Variants in DCDC1 observed in about 807,000 individuals in gnomAD.
DCDC1 encodes doublecortin domain containing 1.
Under a neutral mutation model 178.3 loss-of-function variants are expected in DCDC1, and 200 were observed. The ratio of observed to expected loss-of-function variants is 1.12; its 90% CI spans 1.00 to 1.26. DCDC1 has a LOEUF of 1.26. Ranked by LOEUF, DCDC1 falls within the 50% of genes most tolerant of loss-of-function variation. The pLI is 0.00. For missense variants in DCDC1, 1,983 were observed against 1,749.2 expected (o/e 1.13, Z -2.38); for synonymous variants, 690 against 604.8 (o/e 1.14, Z -2.07).
chr11:31,347,592 T>C (rs746253836), intron 1 of DCDC1, among the ~76,000 whole-genome samples: 2 of 152,146 alleles, frequency 1.3e-5, no homozygotes, highest in Admixed American at 6.5e-5. Context: ...TTGACACTCT[T>C]ATAATAGGAT....
chr11:30,944,191 C>T, intron 21 of DCDC1: 1 of 373,032 alleles, frequency 2.7e-6, no homozygotes, highest in Non-Finnish European at 5.3e-6. Context: ...TGAGTTTCTT[C>T]TCTCTCCCTT....
At position 30,920,837 on chromosome 11, in the gene DCDC1, G is replaced by A; in HGVS notation, c.3232C>T (p.Pro1078Ser). 1 of 1,613,622 alleles carries A rather than the reference G, an allele frequency of 6.2e-7. No individual in the cohort carries two copies. The highest frequency in any genetic ancestry group is 8.5e-7 in the Non-Finnish European group (1 of 1,179,750). Residue 1078 changes from proline (P) to serine (S), a missense_variant, in exon 25 of 39, where the codon CCG (proline) becomes TCG (serine). Coordinates refer to ENST00000684477, the MANE Select transcript of DCDC1 (RefSeq NM_001387274.1). Reference protein sequence around the residue: ...IFGEEKQVTEPEEKQMQEDPL... With the variant: ...IFGEEKQVTESEEKQMQEDPL... Reference sequence around the variant, plus strand: ...TCTTCTTGCATTTGCTTTTCTTCCGGTTCTGTAACTTGCTTCTCTTCTCCA... The same window carrying A: ...TCTTCTTGCATTTGCTTTTCTTCCGATTCTGTAACTTGCTTCTCTTCTCCA...
chr11:30,907,204 A>G (rs774343984), intron 29 of DCDC1, among the ~76,000 whole-genome samples: 2 of 152,234 alleles, frequency 1.3e-5, no homozygotes, highest in Non-Finnish European at 2.9e-5. Context: ...TGATGCTAAC[A>G]ATATAAATAA....
At chr11:31,355,714 C>T (rs1464358751) in intron 1 of DCDC1, among the ~76,000 whole-genome samples, 2 of 151,930 alleles carry the variant, frequency 1.3e-5, no homozygotes, top group Non-Finnish European at 2.9e-5. Context: ...ATTACAGGCA[C>T]CCACCACCAC....
At chr11:31,005,576 A>G (rs1951791540) in intron 20 of DCDC1, among the ~76,000 whole-genome samples, 1 of 152,182 alleles carries the variant, frequency 6.6e-6, no homozygotes, top group South Asian at 2.1e-4. Context: ...GCTATGAATT[A>G]AAGTATAAAA....
chr11:31,077,052 A>C (rs1590962564), intron 18 of DCDC1, among the ~76,000 whole-genome samples: 1 of 152,080 alleles, frequency 6.6e-6, no homozygotes, highest in East Asian at 1.9e-4. Flanking sequence ...ATCTCTACAC[A>C]CTGGTTTGCT....
intron 9 of DCDC1, among the ~76,000 whole-genome samples, chr11:31,207,518 C>T (rs1300390379): frequency 1.3e-5 from 2 of 152,282 alleles, no homozygotes; most frequent in East Asian, 3.9e-4. Flanking sequence ...TTTACCAGCA[C>T]ACCTGCATGT....
At chr11:31,190,324 C>T (rs1038070233) in intron 9 of DCDC1, among the ~76,000 whole-genome samples, 3 of 151,902 alleles carry the variant, frequency 2.0e-5, no homozygotes, top group African/African-American at 7.3e-5. Context: ...CAAGGTCACA[C>T]AATTATAAAT....
At chr11:31,154,846 C>T (rs959425493) in intron 9 of DCDC1, among the ~76,000 whole-genome samples, 1 of 152,164 alleles carries the variant, frequency 6.6e-6, no homozygotes, top group Non-Finnish European at 1.5e-5. Context: ...CTCTCTGGAG[C>T]GCGAGTGTCC....
At chr11:30,930,283 C>T (rs1946845787) in intron 22 of DCDC1, among the ~76,000 whole-genome samples, 1 of 152,086 alleles carries the variant, frequency 6.6e-6, no homozygotes, top group African/African-American at 2.4e-5. Flanking sequence ...AGCTGGACAA[C>T]CAGCCACCCT....
At chr11:31,044,654 T>C (rs1014391955) in intron 20 of DCDC1, among the ~76,000 whole-genome samples, 1 of 152,036 alleles carries the variant, frequency 6.6e-6, no homozygotes, top group South Asian at 2.1e-4. Context: ...ACAATTGAAT[T>C]TGACCAACAC....
chr11:30,881,264 A>G lies in DCDC1; in HGVS notation c.5127T>C (p.Ala1709=). The G allele has an allele frequency of 6.2e-7, 1 of 1,613,486 alleles. No individual in the cohort carries two copies. Among genetic ancestry groups the G allele is most frequent in the Non-Finnish European group, 8.5e-7 (1 of 1,179,586 alleles). The part of the protein sequence containing the change: ...CSSRLKMTHP[A]RALYTPSGEP... ...CTCCACTGGGGGTGTACAGTGCTCT[A>G]GCTGGGTGGGTCATTTTGAGACGAG... Residue 1709 remains alanine, a synonymous_variant, in exon 37 of 39, where the codon GCT becomes GCC. Transcript: ENST00000684477.
At chr11:31,315,646 CT>C (rs59083470) in intron 3 of DCDC1, among the ~76,000 whole-genome samples, 16,097 of 112,298 alleles carry the variant, frequency 0.14, 775 homozygotes, top group African/African-American at 0.27. Context: ...ATCTGCATAC[CT>C]TTTTTTTTTT....
intron 1 of DCDC1, among the ~76,000 whole-genome samples, chr11:31,344,297 A>T (rs1439830333): frequency 6.6e-6 from 1 of 152,260 alleles, no homozygotes; most frequent in Non-Finnish European, 1.5e-5. Flanking sequence ...TGCATAGTTT[A>T]TTCACTGACA....
chr11:30,906,468 C>CAG, intron 30 of DCDC1, 72 bp downstream of exon 30: 1 of 1,456,178 alleles, frequency 6.9e-7, no homozygotes, highest in Non-Finnish European at 9.3e-7. Context: ...GAGTGCAAGG[C>CAG]AGATAATGAA....
chr11:31,053,237 CT>C (rs1437394956), intron 20 of DCDC1, among the ~76,000 whole-genome samples: 1 of 151,974 alleles, frequency 6.6e-6, no homozygotes, highest in African/African-American at 2.4e-5. Flanking sequence ...CTACAAGAGA[CT>C]TATAAATTCC....
At chr11:31,245,597 A>G (rs1943501717) in intron 8 of DCDC1, among the ~76,000 whole-genome samples, 1 of 151,826 alleles carries the variant, frequency 6.6e-6, no homozygotes, top group Non-Finnish European at 1.5e-5. Flanking sequence ...AAAGAAAGCC[A>G]TAAGATTTGG....
chr11:31,270,519 C>T (rs1026902189), intron 7 of DCDC1, among the ~76,000 whole-genome samples: 11 of 152,156 alleles, frequency 7.2e-5, no homozygotes, highest in Admixed American at 7.2e-4. Context: ...ATTTCTAAAA[C>T]TCTTCCATTG....
intron 7 of DCDC1, among the ~76,000 whole-genome samples, chr11:31,288,807 A>T (rs1446526083): frequency 6.6e-6 from 1 of 151,920 alleles, no homozygotes; most frequent in East Asian, 1.9e-4. Flanking sequence ...TCCTATGATT[A>T]TCAACAACAC....
Sources: allele counts gnomAD v4.1 joint callset (sites outside exome capture counted in the v4.1 genomes callset), GRCh38; gene constraint gnomAD v4.1.1; transcripts MANE v1.5; gene names NCBI Gene and HGNC (gene_info 2026-07-23, HGNC 2026-07-21).